The following AZIN1 variants were observed in gnomAD, a reference collection of about 807,000 sequenced individuals.
AZIN1 encodes ornithine decarboxylase antizyme inhibitor.
Under a neutral mutation model 47.4 loss-of-function variants are expected in AZIN1, and 12 were observed. The observed-to-expected ratio is 0.25, with a 90% CI of 0.16 to 0.41. The LOEUF is 0.41. Among genes scored for constraint, AZIN1 ranks in the 10% least tolerant of loss-of-function variants. The pLI is 1.00. For synonymous variants in AZIN1, 155 were observed against 176.3 expected, an observed-to-expected ratio of 0.88 and a Z score of 0.96; for missense variants, 410 against 532.4, an observed-to-expected ratio of 0.77 and a Z score of 2.26.
Position 102,830,483 on chromosome 8 carries a change from G to A in AZIN1, c.905-547C>T, listed in dbSNP as rs537159778. 4.6e-5 allele frequency among the ~76,000 whole-genome samples: 7 copies of A among 150,706 alleles called. No homozygotes were observed. In the South Asian group the frequency reaches 1.5e-3, roughly 32 times the overall value. On this transcript the variant is annotated intron_variant, in intron 9 of 11. Coordinates refer to ENST00000337198, the MANE Select transcript of AZIN1 (RefSeq NM_148174.4). Reference sequence around the variant, plus strand: ...TTGCTGTTTCAAAAAAAGAGGAAATGAAGCAGCAAGGAAAAACACTTTTTA... The same window carrying A: ...TTGCTGTTTCAAAAAAAGAGGAAATAAAGCAGCAAGGAAAAACACTTTTTA...
intron 5 of AZIN1, among the ~76,000 whole-genome samples, chr8:102,837,746 T>G (rs1478864853): frequency 2.0e-5 from 3 of 152,162 alleles, no homozygotes; most frequent in Non-Finnish European, 2.9e-5. Context: ...AGTACACCAT[T>G]AAAGTCAGTA....
intron 9 of AZIN1, among the ~76,000 whole-genome samples, chr8:102,832,015 A>G (rs2131196957): frequency 6.6e-6 from 1 of 152,314 alleles, no homozygotes; most frequent in East Asian, 1.9e-4. Context: ...TGATGAAGTG[A>G]GAAGAACAGA....
chr8:102,847,388 G>A (rs572304724), intron 2 of AZIN1, among the ~76,000 whole-genome samples: 7 of 151,098 alleles, frequency 4.6e-5, no homozygotes, highest in African/African-American at 1.5e-4. Flanking sequence ...CTCTAATGGA[G>A]GTTTATTTTC....
chr8:102,857,531 G>C (rs1813368436), intron 2 of AZIN1, among the ~76,000 whole-genome samples: 2 of 151,788 alleles, frequency 1.3e-5, no homozygotes, highest in South Asian at 4.2e-4. Context: ...TTGAAAATCT[G>C]TTAAATATCT....
chr8:102,834,256 A>G lies in AZIN1; in HGVS notation c.674T>C (p.Ile225Thr). Reference sequence around the variant, plus strand: ...GTCTAACATGTTCATCGTAAAGCCAATTTCTCCCTAGAGATGGAAAAAAAA... The same window carrying G: ...GTCTAACATGTTCATCGTAAAGCCAGTTTCTCCCTAGAGATGGAAAAAAAA... ...ARCVFDMAGE[I>T]GFTMNMLDIG... Residue 225 changes from isoleucine (I) to threonine (T), a missense_variant, in exon 8 of 12, where the codon ATT becomes ACT. Ile to Thr is a moderately conservative substitution (Grantham distance 89). Transcript: ENST00000337198. 1.2e-6 allele frequency: 2 copies of G among 1,611,282 alleles called. No homozygotes were observed. The highest frequency in any genetic ancestry group is 1.7e-6 in the Non-Finnish European group (2 of 1,179,522).
chr8:102,847,078 C>T (rs1156580948), intron 2 of AZIN1, among the ~76,000 whole-genome samples: 1 of 152,138 alleles, frequency 6.6e-6, no homozygotes, highest in Admixed American at 6.5e-5. Context: ...GAAGTAACAG[C>T]AGAGTTGTTA....
At chr8:102,841,647 C>T (rs946153852) in intron 3 of AZIN1, among the ~76,000 whole-genome samples, 1 of 148,868 alleles carries the variant, frequency 6.7e-6, no homozygotes, top group African/African-American at 2.4e-5. Context: ...AAGATGAACA[C>T]GTCTGCAGAC....
At chr8:102,834,960 T>C (rs1811724193) in intron 6 of AZIN1, 2 of 499,376 alleles carry the variant, frequency 4.0e-6, no homozygotes, top group East Asian at 6.6e-5. Flanking sequence ...AAACTGTAAT[T>C]CTATAAACAA....
At chr8:102,834,583 C>T in intron 7 of AZIN1, 83 bp downstream of exon 7, 2 of 1,051,352 alleles carry the variant, frequency 1.9e-6, no homozygotes, top group Non-Finnish European at 2.8e-6. Context: ...CAGAGTAATT[C>T]ACACAGGCAG....
intron 10 of AZIN1, 92 bp downstream of exon 10, chr8:102,829,729 A>G: frequency 1.0e-6 from 1 of 1,004,476 alleles, no homozygotes; most frequent in Non-Finnish European, 1.5e-6. Flanking sequence ...CCCCATTCTA[A>G]GATGTTTTTC....
chr8:102,850,902 G>C (rs1297164649), intron 2 of AZIN1, among the ~76,000 whole-genome samples: 1 of 152,164 alleles, frequency 6.6e-6, no homozygotes, highest in African/African-American at 2.4e-5. Flanking sequence ...AGCCCAACAG[G>C]CTAAGTTTGA....
chr8:102,858,332 T>G (rs1005482558), intron 1 of AZIN1, among the ~76,000 whole-genome samples, 182 bp from the exon 2 acceptor site: 1 of 152,218 alleles, frequency 6.6e-6, no homozygotes. Context: ...CAGTAAACAT[T>G]TCCAAGCTGC....
chr8:102,847,366 A>C (rs201653017), intron 2 of AZIN1, among the ~76,000 whole-genome samples: 8,345 of 146,352 alleles, frequency 0.057, 283 homozygotes, highest in African/African-American at 0.094. Flanking sequence ...AAAAAAAAAA[A>C]AAACAATAAA....
At chr8:102,836,944 G>A (rs902681090) in intron 5 of AZIN1, among the ~76,000 whole-genome samples, 2 of 151,160 alleles carry the variant, frequency 1.3e-5, no homozygotes, top group South Asian at 2.1e-4. Context: ...TCACTCTGTC[G>A]CCCAGGCTGG....
intron 2 of AZIN1, among the ~76,000 whole-genome samples, chr8:102,848,032 T>C (rs1812682923): frequency 6.6e-6 from 1 of 152,228 alleles, no homozygotes; most frequent in African/African-American, 2.4e-5. Flanking sequence ...ATTTTTACTG[T>C]ACCTTTTCTA....
upstream of AZIN1, chr8:102,864,195 T>C (rs1813968377): frequency 5.1e-6 from 1 of 195,508 alleles, no homozygotes; most frequent in East Asian, 1.9e-4. Context: ...CCAGTATTTA[T>C]ATTAGGGGGC....
chr8:102,834,106 G>T, intron 8 of AZIN1, 83 bp downstream of exon 8: 1 of 1,134,530 alleles, frequency 8.8e-7, no homozygotes, highest in Non-Finnish European at 1.3e-6. Flanking sequence ...TTCTGCCATT[G>T]TAAAAATCCT....
rs779700422 is a variant in AZIN1 at position 102,829,928 on chromosome 8, T to G, written c.913A>C (p.Thr305Pro). The change falls in exon 10 of 12, where the codon ACC becomes CCC. Residue 305 changes from threonine to proline, a missense_variant. Thr to Pro is a conservative substitution (Grantham distance 38). Coordinates refer to ENST00000337198, the MANE Select transcript of AZIN1 (RefSeq NM_148174.4). The stretch of plus-strand genomic sequence containing the variant: ...ATGAAGGCTGGTTCATCACTTCCGG[T>G]TTTTTCTACTGGAATAAAACAGGAA... ...NDKFPSGVEK[T>P]GSDEPAFMYY... 3.1e-6 allele frequency: 5 copies of G among 1,598,090 alleles called. No individual in the cohort carries two copies. In the South Asian group the frequency reaches 5.7e-5, roughly 18 times the overall value.
At chr8:102,844,195 G>A in intron 2 of AZIN1, among the ~76,000 whole-genome samples, 1 of 152,268 alleles carries the variant, frequency 6.6e-6, no homozygotes, top group South Asian at 2.1e-4. Context: ...CCAGGTAATT[G>A]CAGATAAATG....
Sources: allele counts gnomAD v4.1 joint callset (sites outside exome capture counted in the v4.1 genomes callset), GRCh38; gene constraint gnomAD v4.1.1; transcripts MANE v1.5; gene names NCBI Gene and HGNC (gene_info 2026-07-23, HGNC 2026-07-21).